COG1: variants seen among roughly 807,000 people sequenced by gnomAD.
COG1 encodes conserved oligomeric Golgi complex subunit 1.
In COG1, 61 loss-of-function variants were observed where a neutral mutation model predicts 102.2. The observed-to-expected ratio is 0.60, with a 90% CI of 0.49 to 0.74. COG1 has a LOEUF of 0.74. Among genes scored for constraint, COG1 ranks in the 30% least tolerant of loss-of-function variants. COG1 has a pLI of 0.00. For missense variants in COG1, 1,164 were observed against 1,232.1 expected (o/e 0.94, Z 0.83); for synonymous variants, 454 against 493.6 (o/e 0.92, Z 1.06).
At chr17:73,203,505 T>C in intron 8 of COG1, 127 bp from the exon 9 acceptor site, 1 of 1,143,892 alleles carries the variant, frequency 8.7e-7, no homozygotes, top group South Asian at 1.3e-5. Context: ...AGTCTGCCTG[T>C]AAGAAGCGTT....
At chr17:73,196,370 A>T in intron 1 of COG1, 137 bp from the exon 2 acceptor site, 1 of 1,271,572 alleles carries the variant, frequency 7.9e-7, no homozygotes, top group Non-Finnish European at 1.1e-6. Flanking sequence ...GGCTTTGATG[A>T]CTTGCTGAGT....
In COG1 at chr17:73,201,451, T is replaced by C. The variant is rs751049732; in HGVS notation, c.1624T>C (p.Ser542Pro). Residue 542 changes from serine (S) to proline (P), a missense_variant, in exon 7 of 14, where the codon TCA becomes CCA. By Grantham distance (74) the Ser-to-Pro change is moderately conservative (BLOSUM62 -1). Coordinates refer to ENST00000299886, the MANE Select transcript of COG1 (RefSeq NM_018714.3). ...GGCTTACCTCCCCTCTGATGACTCA[T>C]CACTGCCCAAGGACGTTTCTCCCAC... ...LLAYLPSDDS[S>P]LPKDVSPTQA... 7 of 1,614,246 alleles carry C rather than the reference T, an allele frequency of 4.3e-6. No homozygotes were observed. Among genetic ancestry groups the C allele is most frequent in the Admixed American group, 3.3e-5 (2 of 60,030 alleles).
At chr17:73,202,661 G>A (rs536547763) in intron 7 of COG1, among the ~76,000 whole-genome samples, 15 of 152,230 alleles carry the variant, frequency 9.9e-5, no homozygotes, top group African/African-American at 1.9e-4. Context: ...GATGGTGCAC[G>A]CCTGTAGTCC....
intron 13 of COG1, chr17:73,207,902 T>G (rs1390780586): frequency 8.4e-7 from 1 of 1,183,522 alleles, no homozygotes; most frequent in Non-Finnish European, 1.1e-6. Flanking sequence ...CCTTGTCAAG[T>G]ATCTGGCTTT....
rs764510510 is a variant in COG1, at chr17:73,207,198, T to G, written c.2747T>G (p.Leu916Arg). Residue 916 changes from leucine (L) to arginine (R), a missense_variant, in exon 13 of 14, where the codon CTG becomes CGG. By Grantham distance (102) the Leu-to-Arg change is moderately radical. Coordinates refer to ENST00000299886, the MANE Select transcript of COG1 (RefSeq NM_018714.3). Reference protein sequence around the residue: ...SSQIRFGLLPLSMTSTRKAKS... With the variant: ...SSQIRFGLLPRSMTSTRKAKS... ...TTTTGGAGGTTTGGACTTCTCCCAC[T>G]GAGCATGACAAGCACTCGAAAGGCT... The G allele has an allele frequency of 3.7e-6, 6 of 1,613,504 alleles. No individual in the cohort carries two copies. In the Middle Eastern group the frequency reaches 8.3e-4, roughly 222 times the overall value.
At position 73,206,754 on chromosome 17, in the gene COG1, G is replaced by A. The variant is rs148773959; in HGVS notation, c.2666G>A (p.Arg889Gln). 72 of 1,611,962 alleles carry A rather than the reference G, an allele frequency of 4.5e-5. 1 individual carries two copies. The highest frequency in any genetic ancestry group is 5.5e-5 in the Non-Finnish European group (65 of 1,179,732). Residue 889 changes from arginine to glutamine, a missense_variant, in exon 12 of 14, where the codon CGG becomes CAG. By Grantham distance (43) the Arg-to-Gln change is conservative. Transcript: ENST00000299886. ...GGTACAGAGAATCAGCTCGCCCCCC[G>A]GAGCAGTACGTTCAACTCCCAAGAA... Reference protein sequence around the residue: ...VTGTENQLAPRSSTFNSQEPH... With the variant: ...VTGTENQLAPQSSTFNSQEPH...
intron 1 of COG1, among the ~76,000 whole-genome samples, chr17:73,193,784 C>T (rs115442358): frequency 1.3e-5 from 2 of 152,180 alleles, no homozygotes; most frequent in African/African-American, 4.8e-5. Context: ...GACACCTGCA[C>T]TCCAAGTCAT....
chr17:73,203,115 G>A lies in COG1; in HGVS notation c.2189G>A (p.Ser730Asn). The change falls in exon 8 of 14, where the codon AGT becomes AAT. Residue 730 changes from serine (S) to asparagine (N), a missense_variant. Coordinates refer to ENST00000299886, the MANE Select transcript of COG1 (RefSeq NM_018714.3). Reference sequence around the variant, plus strand: ...CAGGAGGAGGCAGAGTCTGGCAGCAGTGTCACATCCAAGATCCGACTCCCT... The same window carrying A: ...CAGGAGGAGGCAGAGTCTGGCAGCAATGTCACATCCAAGATCCGACTCCCT... Reference protein sequence around the residue: ...EIQEEAESGSSVTSKIRLPAQ... With the variant: ...EIQEEAESGSNVTSKIRLPAQ... 3 of 1,614,222 alleles carry A rather than the reference G, an allele frequency of 1.9e-6. No individual in the cohort carries two copies. Among genetic ancestry groups the A allele is most frequent in the Non-Finnish European group, 2.5e-6 (3 of 1,180,044 alleles).
At position 73,201,683 on chromosome 17, in the gene COG1, AG is replaced by A; in HGVS notation, c.1857del (p.Gln619HisfsTer10). ...GTTCTTTTCATGGCCAGACTCTGCC[AG>A]TCCCTGGGAGAGCTGTGCCCCCATC... The part of the protein sequence containing the change: ...HSVLFMARLC[Q>X]SLGELCPHLK... On this transcript the variant is annotated frameshift_variant, in exon 7 of 14. Transcript: ENST00000299886. LOFTEE classifies it high-confidence loss of function. 6.2e-7 allele frequency: 1 copy of A among 1,614,236 alleles called. No individual in the cohort carries two copies. Among genetic ancestry groups the A allele is most frequent in the Non-Finnish European group, 8.5e-7 (1 of 1,180,044 alleles).
Position 73,201,303 on chromosome 17 carries a change from G to C in COG1, c.1476G>C (p.Val492=). Reference sequence around the variant, plus strand: ...CTTCCGATGCGGCCTGGGTCAGCGTGGCAAACCGGGGTCAGTTTGCCAGTA... The same window carrying C: ...CTTCCGATGCGGCCTGGGTCAGCGTCGCAAACCGGGGTCAGTTTGCCAGTA... ...DLPSDAAWVS[V]ANRGQFASSG... is the part of the protein sequence containing the mutation. Residue 492 remains valine, a synonymous_variant, in exon 7 of 14, where the codon GTG becomes GTC. Transcript: ENST00000299886. The C allele has an allele frequency of 1.2e-6, 2 of 1,614,212 alleles. No homozygotes were observed. The highest frequency in any genetic ancestry group is 2.2e-5 in the South Asian group (2 of 91,084).
chr17:73,196,986 T>C lies in COG1; in HGVS notation c.647T>C (p.Met216Thr). Residue 216 changes from methionine to threonine, a missense_variant, in exon 3 of 14, where the codon ATG becomes ACG. By Grantham distance (81) the Met-to-Thr change is moderately conservative. Coordinates refer to ENST00000299886, the MANE Select transcript of COG1 (RefSeq NM_018714.3). ...QAVAEALCSI[M>T]LLEESSPRQA... ...GTGGCCGAGGCCCTGTGCTCTATAA[T>C]GCTCTTAGAAGAGAGTTCTCCTCGC... is the stretch of plus-strand genomic sequence containing the variant. 1.9e-6 allele frequency: 3 copies of C among 1,614,226 alleles called. No homozygotes were observed. Among genetic ancestry groups the C allele is most frequent in the Non-Finnish European group, 2.5e-6 (3 of 1,180,036 alleles).
In COG1 at chr17:73,205,662, G is replaced by A. The variant is rs778718320; in HGVS notation, c.2492G>A (p.Arg831Gln). Reference sequence around the variant, plus strand: ...AAGGGTGACGAGGTGAAGAGTGGCCGGAGCAAGCCAGACTCCAGGTGTCGT... The same window carrying A: ...AAGGGTGACGAGGTGAAGAGTGGCCAGAGCAAGCCAGACTCCAGGTGTCGT... The part of the protein sequence containing the change: ...TAKGDEVKSG[R>Q]SKPDSRIEKV... The change falls in exon 10 of 14, where the codon CGG becomes CAG. Residue 831 changes from arginine (R) to glutamine (Q), a missense_variant. Physicochemically the swap from Arg to Gln is conservative, Grantham distance 43. Transcript: ENST00000299886. 3.1e-5 allele frequency: 50 copies of A among 1,613,756 alleles called. 1 individual carries two copies. In the East Asian group the frequency reaches 5.1e-4, roughly 17 times the overall value.
Position 73,201,685 on chromosome 17 carries a change from T to C in COG1, c.1858T>C (p.Ser620Pro), listed in dbSNP as rs2061347766. 6.8e-6 allele frequency: 11 copies of C among 1,614,196 alleles called. No homozygotes were observed. Among genetic ancestry groups the C allele is most frequent in the Non-Finnish European group, 8.5e-6 (10 of 1,180,032 alleles). ...SVLFMARLCQ[S>P]LGELCPHLKQ... ...TCTTTTCATGGCCAGACTCTGCCAG[T>C]CCCTGGGAGAGCTGTGCCCCCATCT... The change falls in exon 7 of 14, where the codon TCC becomes CCC. Residue 620 changes from serine to proline, a missense_variant. Ser to Pro is a moderately conservative substitution (Grantham distance 74). Coordinates refer to ENST00000299886, the MANE Select transcript of COG1 (RefSeq NM_018714.3).
Position 73,201,876 on chromosome 17 carries a change from G to A in COG1, c.2049G>A (p.Gln683=). The A allele has an allele frequency of 6.2e-7, 1 of 1,614,198 alleles. No individual in the cohort carries two copies. The highest frequency in any genetic ancestry group is 8.5e-7 in the Non-Finnish European group (1 of 1,180,036). The change falls in exon 7 of 14, where the codon CAG becomes CAA. Residue 683 remains glutamine, a synonymous_variant. Coordinates refer to ENST00000299886, the MANE Select transcript of COG1 (RefSeq NM_018714.3). ...VLLQQSVMGY[Q]VWSSAVVKVL... ...TCCAGCAGAGCGTGATGGGCTACCA[G>A]GTCTGGAGCAGTGCAGTTGTGAAAG...
chr17:73,206,512 A>G (rs2061373270), intron 11 of COG1, among the ~76,000 whole-genome samples, 196 bp from the exon 12 acceptor site: 1 of 152,232 alleles, frequency 6.6e-6, no homozygotes, highest in African/African-American at 2.4e-5. Context: ...AGAAAGAGGA[A>G]TAAAAACTCC....
In COG1 at chr17:73,208,325, G is replaced by A. The variant is rs1321834698; in HGVS notation, c.2817G>A (p.Pro939=). 3.1e-6 allele frequency: 5 copies of A among 1,613,670 alleles called. No individual in the cohort carries two copies. The highest frequency in any genetic ancestry group is 1.1e-5 in the South Asian group (1 of 91,072). ...NIETKAQVVP[P]ARSTAGDPTV... ...ACATCCAATGGCAGGTTGTCCCCCC[G>A]GCACGCTCCACAGCTGGTGACCCGA... The change falls in exon 14 of 14, where the codon CCG becomes CCA. Residue 939 remains proline, a synonymous_variant. Transcript: ENST00000299886.
At chr17:73,193,696 G>A (rs762559645) in intron 1 of COG1, among the ~76,000 whole-genome samples, 73 of 152,218 alleles carry the variant, frequency 4.8e-4, no homozygotes, top group Non-Finnish European at 9.4e-4. Context: ...AACGCCAGGA[G>A]TTTCTGTCTT....
At chr17:73,198,326 A>G (rs2061333557) in intron 4 of COG1, among the ~76,000 whole-genome samples, 1 of 152,218 alleles carries the variant, frequency 6.6e-6, no homozygotes, top group Non-Finnish European at 1.5e-5. Context: ...GAAATGGCCC[A>G]GTGCTGTGGC....
In COG1 at chr17:73,201,781, C is replaced by T. The variant is rs765705760; in HGVS notation, c.1954C>T (p.Gln652Ter). Residue 652 changes from glutamine (Q) to a stop codon, truncating the protein, a stop_gained, in exon 7 of 14, where the codon CAG becomes TAG. Coordinates refer to ENST00000299886, the MANE Select transcript of COG1 (RefSeq NM_018714.3). LOFTEE classifies it high-confidence loss of function. ...AAGGGAGTTTAGGGCTCTGAGAAAA[C>T]AGGGAAAGGTGAAAACTCAGGAAAT... ...PAREFRALRK[Q>*]GKVKTQEIIP... 1 of 1,614,134 alleles carries T rather than the reference C, an allele frequency of 6.2e-7. No individual in the cohort carries two copies. Among genetic ancestry groups the T allele is most frequent in the East Asian group, 2.2e-5 (1 of 44,862 alleles).
Sources: allele counts gnomAD v4.1 joint callset (sites outside exome capture counted in the v4.1 genomes callset), GRCh38; gene constraint gnomAD v4.1.1; transcripts MANE v1.5; gene names NCBI Gene and HGNC (gene_info 2026-07-23, HGNC 2026-07-21).